SRGAP3: variants seen among roughly 807,000 people sequenced by gnomAD.
SRGAP3 encodes SLIT-ROBO Rho GTPase activating protein 3, also known as SLIT-ROBO Rho GTPase-activating protein 3.
SRGAP3 carries 39 observed loss-of-function variants against 121.1 expected under a neutral mutation model. The observed-to-expected ratio is 0.32, with a 90% CI of 0.25 to 0.42. SRGAP3 has a LOEUF of 0.42. SRGAP3 is among the 10% of genes least tolerant of loss of function. The pLI, the probability that SRGAP3 is intolerant of heterozygous loss-of-function variation, is 1.00. For missense variants in SRGAP3, 1,213 were observed against 1,470.6 expected (o/e 0.82, Z 2.86); for synonymous variants, 601 against 570.0 (o/e 1.05, Z -0.77).
chr3:9,193,719 T>C (rs992575382), intron 1 of SRGAP3: 1 of 152,344 alleles, frequency 6.6e-6, no homozygotes, highest in Non-Finnish European at 1.5e-5. Context: ...ACTTTATGCA[T>C]TTCCAGGTGG....
chr3:9,152,403 GTCTC>G (rs942718561), intron 1 of SRGAP3, among the ~76,000 whole-genome samples: 1 of 151,894 alleles, frequency 6.6e-6, no homozygotes, highest in Admixed American at 6.5e-5. Flanking sequence ...CTCTCTCTGT[GTCTC>G]TCTCTCTCTG....
chr3:9,348,358 C>T (rs1333834187), intron 1 of SRGAP3: 1 of 462,644 alleles, frequency 2.2e-6, no homozygotes, highest in Non-Finnish European at 4.0e-6. Flanking sequence ...GGGAGAAAGA[C>T]TAAAAGTAAT....
chr3:9,092,063 A>G (rs554135759), intron 3 of SRGAP3, among the ~76,000 whole-genome samples: 21 of 152,116 alleles, frequency 1.4e-4, no homozygotes, highest in Non-Finnish European at 2.5e-4. Flanking sequence ...TCACTCATGC[A>G]CACCCGGGAG....
At chr3:9,158,848 G>C (rs1418968229) in intron 1 of SRGAP3, among the ~76,000 whole-genome samples, 5 of 152,170 alleles carry the variant, frequency 3.3e-5, no homozygotes, top group African/African-American at 1.2e-4. Flanking sequence ...CCACAACTCA[G>C]GCATGGGAAG....
At chr3:9,144,393 T>C (rs992871450) in intron 1 of SRGAP3, among the ~76,000 whole-genome samples, 3 of 152,248 alleles carry the variant, frequency 2.0e-5, no homozygotes, top group Non-Finnish European at 1.5e-5. Flanking sequence ...TTTGTACTGA[T>C]GCAGATTCCT....
chr3:9,082,003 C>A (rs1947268912), intron 3 of SRGAP3, among the ~76,000 whole-genome samples: 1 of 152,170 alleles, frequency 6.6e-6, no homozygotes, highest in African/African-American at 2.4e-5. Context: ...TCTGTTCCTG[C>A]CAAATCTCAT....
At chr3:8,994,623 T>TG in intron 18 of SRGAP3, 100 bp from the exon 19 acceptor site, 1 of 1,474,464 alleles carries the variant, frequency 6.8e-7, no homozygotes. Context: ...AAGGATAGAC[T>TG]GCACAGCTGG....
chr3:9,200,382 C>T (rs1952034665), intron 1 of SRGAP3, among the ~76,000 whole-genome samples: 1 of 152,134 alleles, frequency 6.6e-6, no homozygotes, highest in African/African-American at 2.4e-5. Context: ...CTATGACATG[C>T]TATTTTGCTA....
chr3:9,100,398 AG>A (rs1360124741), intron 3 of SRGAP3, among the ~76,000 whole-genome samples: 1 of 152,206 alleles, frequency 6.6e-6, no homozygotes, highest in Non-Finnish European at 1.5e-5. Flanking sequence ...CTAAGAAGAC[AG>A]AGAAGAAGCA....
chr3:9,122,572 C>A (rs1216178473), intron 2 of SRGAP3, among the ~76,000 whole-genome samples: 5 of 151,752 alleles, frequency 3.3e-5, no homozygotes, highest in Admixed American at 6.6e-5. Context: ...AGCTGGGCAT[C>A]GTGGCGGGCA....
At chr3:8,993,371 G>C (rs988249129) in intron 19 of SRGAP3, among the ~76,000 whole-genome samples, 1 of 152,174 alleles carries the variant, frequency 6.6e-6, no homozygotes, top group African/African-American at 2.4e-5. Context: ...TTGGAGAAAT[G>C]GGGGGATGGA....
chr3:9,299,066 A>G (rs1380258300), intron 3 of SRGAP3, among the ~76,000 whole-genome samples: 5 of 149,910 alleles, frequency 3.3e-5, no homozygotes, highest in African/African-American at 7.4e-5. Flanking sequence ...AAAAAAAAAA[A>G]AAAAGAAAAT....
intron 19 of SRGAP3, chr3:8,993,991 G>A (rs1942234570): frequency 1.1e-5 from 4 of 370,452 alleles, no homozygotes; most frequent in South Asian, 2.6e-5. Flanking sequence ...CCTCTGGAGT[G>A]TAGAACCGTA....
chr3:9,297,033 C>T (rs977944513), intron 3 of SRGAP3, among the ~76,000 whole-genome samples: 2 of 152,104 alleles, frequency 1.3e-5, no homozygotes, highest in African/African-American at 4.8e-5. Flanking sequence ...TACAGGTGTG[C>T]ACCACCGCAC....
intron 1 of SRGAP3, among the ~76,000 whole-genome samples, chr3:9,151,903 G>A (rs1006140298): frequency 6.6e-6 from 1 of 152,228 alleles, no homozygotes; most frequent in Admixed American, 6.5e-5. Context: ...AGGAACTGTC[G>A]AAGCTGCAAG....
At chr3:9,328,849 G>GC (rs1955558856) in intron 2 of SRGAP3, among the ~76,000 whole-genome samples, 2 of 152,156 alleles carry the variant, frequency 1.3e-5, no homozygotes, top group African/African-American at 2.4e-5. Flanking sequence ...ACTTGCAAAG[G>GC]CTTTTAACTA....
chr3:9,313,042 G>A (rs1955276562), intron 3 of SRGAP3, among the ~76,000 whole-genome samples: 2 of 151,906 alleles, frequency 1.3e-5, no homozygotes, highest in Non-Finnish European at 2.9e-5. Flanking sequence ...CTCCTCTCCT[G>A]AAAAGCCCCC....
rs1941461749 is a variant in SRGAP3, at chr3:8,982,347, C to T, written c.*3172G>A. On this transcript the variant is annotated 3_prime_UTR_variant, in exon 22 of 22. Transcript: ENST00000383836. ...TACGGCTTTCAATAATGGTGATGAACAAGTAGGTAAACACCACTTCCCCTT... is the reference window on the plus strand; with the variant it reads ...TACGGCTTTCAATAATGGTGATGAATAAGTAGGTAAACACCACTTCCCCTT... 1 of 226,174 alleles carries T rather than the reference C, an allele frequency of 4.4e-6. No homozygotes were observed. Among genetic ancestry groups the T allele is most frequent in the African/African-American group, 2.2e-5 (1 of 44,936 alleles). The allele number at this position is 226,174 out of a possible 1,614,324, so 14.0% of individuals were successfully genotyped here. A position where few individuals can be genotyped will look rare whatever the true frequency, so the allele number is the denominator to read the frequency against.
At chr3:9,314,261 A>G (rs1267781254) in intron 3 of SRGAP3, among the ~76,000 whole-genome samples, 1 of 152,174 alleles carries the variant, frequency 6.6e-6, no homozygotes, top group Non-Finnish European at 1.5e-5. Flanking sequence ...CAACAGGGTG[A>G]GAAGATGTTC....
Sources: gnomAD v4.1 joint callset for allele counts (sites outside exome capture counted in the v4.1 genomes callset) on GRCh38, gnomAD v4.1.1 for gene constraint, MANE v1.5 for transcripts, NCBI Gene and HGNC (gene_info 2026-07-23, HGNC 2026-07-21) for gene names.